PLCG2: variants seen among roughly 807,000 people sequenced by gnomAD.
PLCG2 encodes the protein 1-phosphatidylinositol 4,5-bisphosphate phosphodiesterase gamma-2.
In PLCG2, 69 loss-of-function variants were observed where a neutral mutation model predicts 175.6. The observed-to-expected ratio is 0.39, with a 90% CI of 0.32 to 0.48. The LOEUF (loss-of-function observed/expected upper bound fraction) is 0.48, where lower values mean the gene tolerates loss of function less well. PLCG2 is among the 20% of genes least tolerant of loss of function. PLCG2 has a pLI of 0.91. For synonymous variants in PLCG2, 827 were observed against 624.0 expected (o/e 1.33, Z -4.85); for missense variants, 1,798 against 1,650.9 (o/e 1.09, Z -1.54).
Position 81,961,893 on chromosome 16 carries a change from G to A in PLCG2, c.*3895G>A. 5.0e-6 allele frequency: 1 copy of A among 199,040 alleles called. No individual in the cohort carries two copies. The highest frequency in any genetic ancestry group is 1.9e-4 in the South Asian group (1 of 5,230). The allele number at this position is 199,040 out of a possible 1,614,324, so 12.3% of individuals were successfully genotyped here. A position where few individuals can be genotyped will look rare whatever the true frequency, so the allele number is the denominator to read the frequency against. Reference sequence around the variant, plus strand: ...AGAGATTTTCAAAATTCACTTAAGAGTATCTGAGCATAAAATGTTAAGATT... The same window carrying A: ...AGAGATTTTCAAAATTCACTTAAGAATATCTGAGCATAAAATGTTAAGATT... On this transcript the variant is annotated 3_prime_UTR_variant, in exon 33 of 33. Transcript: ENST00000564138.
chr16:81,810,962 G>C (rs1342699871), intron 2 of PLCG2, among the ~76,000 whole-genome samples: 1 of 152,194 alleles, frequency 6.6e-6, no homozygotes, highest in Non-Finnish European at 1.5e-5. Context: ...CTGAGAAGCA[G>C]CCCAGGGAAC....
In PLCG2 at chr16:81,880,782, A is replaced by G. The variant is rs2143567311; in HGVS notation, c.649-128A>G. 4 of 819,900 alleles carry G rather than the reference A, an allele frequency of 4.9e-6. No individual in the cohort carries two copies. The East Asian group carries it at 1.0e-4, about 21-fold the overall frequency. The allele number at this position is 819,900 out of a possible 1,614,324, so 50.8% of individuals were successfully genotyped here. A position where few individuals can be genotyped will look rare whatever the true frequency, so the allele number is the denominator to read the frequency against. On this transcript the variant is annotated intron_variant, in intron 7 of 32. Coordinates refer to ENST00000564138, the MANE Select transcript of PLCG2 (RefSeq NM_002661.5). ...TGAATATTTACAACTAACATCAACTAAAATGATATTTTTAATGATCTTGTT... is the reference window on the plus strand; with the variant it reads ...TGAATATTTACAACTAACATCAACTGAAATGATATTTTTAATGATCTTGTT...
In PLCG2 at chr16:81,893,698, C is replaced by G. The variant is rs574863726; in HGVS notation, c.987-11C>G. On this transcript the variant is annotated splice_polypyrimidine_tract_variant and intron_variant, in intron 11 of 32. Coordinates refer to ENST00000564138, the MANE Select transcript of PLCG2 (RefSeq NM_002661.5). ...CCACTCTCACACGGCCACCTGCCTT[C>G]TCTCCTGCAGGTACCTTACAGGTGA... 11 of 1,590,272 alleles carry G rather than the reference C, an allele frequency of 6.9e-6. No individual in the cohort carries two copies. Among genetic ancestry groups the G allele is most frequent in the East Asian group, 2.2e-5 (1 of 44,750 alleles).
At position 81,859,116 on chromosome 16, in the gene PLCG2, T is replaced by C. The variant is rs1470179817; in HGVS notation, c.432T>C (p.Ser144=). The C allele has an allele frequency of 6.3e-7, 1 of 1,576,468 alleles. No individual in the cohort carries two copies. The highest frequency in any genetic ancestry group is 8.7e-7 in the Non-Finnish European group (1 of 1,145,738). ...MNASTPTIIE[S]WLRKQIYSVD... The stretch of plus-strand genomic sequence containing the variant: ...TCTTTTGTCTCATATTTCTTTCCAG[T>C]TGGCTGAGAAAGCAGATATATTCTG... Residue 144 remains serine (S), a splice_region_variant and synonymous_variant, in exon 5 of 33, where the codon AGT becomes AGC. Transcript: ENST00000564138.
chr16:81,883,171 C>A, intron 8 of PLCG2, 98 bp from the exon 9 acceptor site: 2 of 975,266 alleles, frequency 2.1e-6, no homozygotes, highest in Non-Finnish European at 1.6e-6. Flanking sequence ...CTAAGTGGGG[C>A]GTTCTGGGTG....
chr16:81,755,948 C>G (rs569214559), exon 2 of PLCG2: 2 of 152,608 alleles, frequency 1.3e-5, no homozygotes, highest in South Asian at 2.1e-4. Flanking sequence ...GAAGACGGTC[C>G]TTTCCCTGCT....
intron 2 of PLCG2, among the ~76,000 whole-genome samples, chr16:81,766,549 C>T (rs1910155010): frequency 6.6e-6 from 1 of 152,064 alleles, no homozygotes; most frequent in African/African-American, 2.4e-5. Context: ...TTGTGACCAC[C>T]ACACAAAAAC....
At chr16:81,905,687 C>T (rs910259260) in intron 15 of PLCG2, among the ~76,000 whole-genome samples, 180 bp downstream of exon 15, 3 of 152,144 alleles carry the variant, frequency 2.0e-5, no homozygotes, top group Non-Finnish European at 4.4e-5. Flanking sequence ...GGGACAGGGT[C>T]TCACTCTGTC....
In PLCG2 at chr16:81,931,231, C is replaced by G. The variant is rs140509793; in HGVS notation, c.2582-266C>G. The stretch of plus-strand genomic sequence containing the variant: ...ATTGAGATCCTTAACCTAAGTACAT[C>G]TGCAACGACCCTATAAGGTCCCATT... On this transcript the variant is annotated intron_variant, in intron 24 of 32. Transcript: ENST00000564138. The G allele has an allele frequency of 2.2e-3, 619 of 287,328 alleles. 5 individuals are homozygous for G. Among genetic ancestry groups the G allele is most frequent in the African/African-American group, 0.012 (580 of 46,728 alleles). 17.8% of individuals were successfully genotyped at this position (287,328 alleles called of 1,614,324 possible). A position where few individuals can be genotyped will look rare whatever the true frequency, so the allele number is the denominator to read the frequency against.
intron 26 of PLCG2, 129 bp from the exon 27 acceptor site, chr16:81,936,040 C>A: frequency 6.8e-7 from 1 of 1,469,370 alleles, no homozygotes; most frequent in Non-Finnish European, 9.0e-7. Flanking sequence ...TCATCAGAAC[C>A]CCTTGAATGT....
chr16:81,912,401 G>A (rs1227406971), intron 18 of PLCG2, among the ~76,000 whole-genome samples, 196 bp from the exon 19 acceptor site: 2 of 152,208 alleles, frequency 1.3e-5, no homozygotes, highest in African/African-American at 4.8e-5. Context: ...AGACCCCTGG[G>A]GTCTTCCACT....
At chr16:81,953,892 A>C (rs1422401899) in intron 31 of PLCG2, among the ~76,000 whole-genome samples, 1 of 152,244 alleles carries the variant, frequency 6.6e-6, no homozygotes, top group Non-Finnish European at 1.5e-5. Flanking sequence ...GAAAAGGTGA[A>C]TTTTGAACTT....
intron 2 of PLCG2, among the ~76,000 whole-genome samples, chr16:81,797,195 C>G (rs1390860116): frequency 6.6e-6 from 1 of 151,846 alleles, no homozygotes; most frequent in Non-Finnish European, 1.5e-5. Flanking sequence ...GAGTTCCTGA[C>G]AAGTCAGTGC....
chr16:81,778,231 A>G (rs568735915), upstream of PLCG2, among the ~76,000 whole-genome samples: 1 of 152,118 alleles, frequency 6.6e-6, no homozygotes, highest in East Asian at 1.9e-4. Context: ...AAATTAGCCA[A>G]GTGTGGTGTG....
intron 2 of PLCG2, among the ~76,000 whole-genome samples, chr16:81,841,668 G>T (rs1431702203): frequency 6.6e-6 from 1 of 152,160 alleles, no homozygotes; most frequent in African/African-American, 2.4e-5. Context: ...AGCCAGGAGA[G>T]AAAGAGCTGG....
intron 1 of PLCG2, among the ~76,000 whole-genome samples, chr16:81,751,112 C>T (rs1397293289): frequency 6.7e-6 from 1 of 150,304 alleles, no homozygotes; most frequent in East Asian, 2.0e-4. Flanking sequence ...TCCTCAGTAG[C>T]TGGTATTACA....
chr16:81,741,418 A>C (rs1476003652), intron 1 of PLCG2, among the ~76,000 whole-genome samples: 2 of 152,160 alleles, frequency 1.3e-5, no homozygotes, highest in African/African-American at 2.4e-5. Context: ...TTGCAGGAGG[A>C]AGATTTTTTT....
At chr16:81,792,014 G>C (rs1345560170) in intron 2 of PLCG2, among the ~76,000 whole-genome samples, 1 of 152,192 alleles carries the variant, frequency 6.6e-6, no homozygotes, top group African/African-American at 2.4e-5. Context: ...TCAGCTTCAA[G>C]GAAAGGAAAT....
chr16:81,918,761 T>C (rs1909941777), intron 19 of PLCG2, among the ~76,000 whole-genome samples: 1 of 152,246 alleles, frequency 6.6e-6, no homozygotes, highest in African/African-American at 2.4e-5. Flanking sequence ...CCCTCTTGGC[T>C]GTAAACTTAG....
Sources: allele counts gnomAD v4.1 joint callset (sites outside exome capture counted in the v4.1 genomes callset), GRCh38; gene constraint gnomAD v4.1.1; transcripts MANE v1.5; gene names NCBI Gene and HGNC (gene_info 2026-07-23, HGNC 2026-07-21).